CNTNAP2: variants seen among roughly 807,000 people sequenced by gnomAD.
The protein encoded by CNTNAP2 is contactin associated protein 2, also known as contactin-associated protein-like 2.
Under a neutral mutation model 155.2 loss-of-function variants are expected in CNTNAP2, and 98 were observed. The observed-to-expected ratio is 0.63, with a 90% CI of 0.54 to 0.75. CNTNAP2 has a LOEUF of 0.75. Ranked by LOEUF, CNTNAP2 falls within the 30% of genes least tolerant of loss-of-function variation. The pLI, the probability that CNTNAP2 is intolerant of heterozygous loss-of-function variation, is 0.00. For missense variants in CNTNAP2, 1,727 were observed against 1,688.1 expected (o/e 1.02, Z -0.40); for synonymous variants, 651 against 631.2 (o/e 1.03, Z -0.47).
chr7:146,643,592 G>A (rs77926637), intron 1 of CNTNAP2, among the ~76,000 whole-genome samples: 99,674 of 151,692 alleles, frequency 0.66, 34,192 homozygotes, highest in South Asian at 0.84. Context: ...GTCAGGTAGC[G>A]TGATGCCTCC....
intron 3 of CNTNAP2, among the ~76,000 whole-genome samples, chr7:146,850,887 G>A (rs996446754): frequency 6.6e-6 from 1 of 152,148 alleles, no homozygotes; most frequent in Non-Finnish European, 1.5e-5. Context: ...TATGGCCCTG[G>A]TCAGCCATTC....
chr7:146,222,550 GT>G, intron 1 of CNTNAP2, among the ~76,000 whole-genome samples: 1 of 141,894 alleles, frequency 7.0e-6, no homozygotes, highest in Non-Finnish European at 1.6e-5. Context: ...TAGTGTGTGT[GT>G]GTGTGTGTGT....
intron 20 of CNTNAP2, among the ~76,000 whole-genome samples, chr7:148,251,581 A>G (rs1467821196): frequency 6.6e-6 from 1 of 152,070 alleles, no homozygotes; most frequent in African/African-American, 2.4e-5. Context: ...AATGCTCCCA[A>G]CTCTAATTGC....
chr7:146,383,750 T>G (rs1333189303), intron 1 of CNTNAP2, among the ~76,000 whole-genome samples: 1 of 152,206 alleles, frequency 6.6e-6, no homozygotes, highest in East Asian at 1.9e-4. Flanking sequence ...ATAGACATTT[T>G]GAGTAAAGGC....
chr7:147,865,869 C>G (rs1799217698), intron 13 of CNTNAP2, among the ~76,000 whole-genome samples: 1 of 152,118 alleles, frequency 6.6e-6, no homozygotes, highest in Admixed American at 6.5e-5. Flanking sequence ...TTTCAAAAAA[C>G]CAGCTCCTGG....
chr7:146,334,240 G>A (rs956518384), intron 1 of CNTNAP2, among the ~76,000 whole-genome samples: 1 of 152,098 alleles, frequency 6.6e-6, no homozygotes, highest in African/African-American at 2.4e-5. Context: ...GACCATCCTG[G>A]CTAACACGGT....
intron 1 of CNTNAP2, among the ~76,000 whole-genome samples, chr7:146,507,679 T>A (rs1797405211): frequency 6.6e-6 from 1 of 152,150 alleles, no homozygotes; most frequent in Non-Finnish European, 1.5e-5. Context: ...AATCCAGGCC[T>A]TTGGACCTTG....
intron 15 of CNTNAP2, among the ~76,000 whole-genome samples, chr7:148,045,456 T>A (rs1218219758): frequency 9.2e-6 from 1 of 108,500 alleles, no homozygotes; most frequent in Non-Finnish European, 1.9e-5. Flanking sequence ...TCAGGTAGGT[T>A]GTATTGAGCT....
chr7:146,535,543 C>T (rs1200154596), intron 1 of CNTNAP2, among the ~76,000 whole-genome samples: 1 of 146,028 alleles, frequency 6.8e-6, no homozygotes, highest in African/African-American at 2.6e-5. Flanking sequence ...AAACTTTAAA[C>T]TTTCTAATTC....
At chr7:147,089,224 A>G (rs915632550) in intron 4 of CNTNAP2, among the ~76,000 whole-genome samples, 2 of 152,096 alleles carry the variant, frequency 1.3e-5, no homozygotes, top group African/African-American at 4.8e-5. Context: ...CCTTTTCAAC[A>G]TCTTGTAGCA....
intron 13 of CNTNAP2, among the ~76,000 whole-genome samples, chr7:147,766,192 T>A (rs536315842): frequency 6.6e-6 from 1 of 152,152 alleles, no homozygotes; most frequent in African/African-American, 2.4e-5. Flanking sequence ...AACTGTACAC[T>A]TTAAATGAGT....
chr7:146,503,270 C>A (rs968172825), intron 1 of CNTNAP2, among the ~76,000 whole-genome samples: 5 of 152,154 alleles, frequency 3.3e-5, no homozygotes, highest in Non-Finnish European at 5.9e-5. Flanking sequence ...CTAAAAAAAT[C>A]TTTGCCAAGA....
intron 3 of CNTNAP2, among the ~76,000 whole-genome samples, chr7:147,003,876 T>A (rs977588919): frequency 2.6e-5 from 4 of 151,882 alleles, no homozygotes; most frequent in Non-Finnish European, 5.9e-5. Context: ...AAATAATTTT[T>A]TAAAAATTAT....
rs773179626 is a variant in CNTNAP2 at position 148,217,414 on chromosome 7, T to C, written c.3137T>C (p.Leu1046Pro). ...APDQQNSHPD[L>P]AQEEIRFSFS... ...GACCAGCAGAACTCCCACCCGGACC[T>C]GGCACAGGAGGAGATCCGCTTCAGC... Residue 1046 changes from leucine to proline, a missense_variant, in exon 19 of 24, where the codon CTG (leucine) becomes CCG (proline). Leu to Pro is a moderately conservative substitution (Grantham distance 98, BLOSUM62 -3). Transcript: ENST00000361727. 1 of 1,614,100 alleles carries C rather than the reference T, an allele frequency of 6.2e-7. No individual in the cohort carries two copies. The highest frequency in any genetic ancestry group is 1.1e-5 in the South Asian group (1 of 91,064).
intron 14 of CNTNAP2, among the ~76,000 whole-genome samples, chr7:147,932,376 C>A (rs547152684): frequency 1.2e-4 from 19 of 152,160 alleles, no homozygotes; most frequent in Middle Eastern, 3.4e-3. Flanking sequence ...CTTTATAGAC[C>A]AGTGGAAAGA....
At chr7:148,140,486 C>A (rs1382861620) in intron 16 of CNTNAP2, among the ~76,000 whole-genome samples, 1 of 150,364 alleles carries the variant, frequency 6.7e-6, no homozygotes, top group African/African-American at 2.5e-5. Context: ...TGCAATGGCA[C>A]CATCTCGGCT....
chr7:147,937,737 C>T (rs1451242513), intron 14 of CNTNAP2, among the ~76,000 whole-genome samples: 5 of 152,196 alleles, frequency 3.3e-5, no homozygotes, highest in Non-Finnish European at 7.3e-5. Flanking sequence ...TACTAAAAAG[C>T]AATCTTTCTC....
At chr7:147,233,130 TTA>T (rs1803721723) in intron 8 of CNTNAP2, among the ~76,000 whole-genome samples, 1 of 152,162 alleles carries the variant, frequency 6.6e-6, no homozygotes, top group African/African-American at 2.4e-5. Context: ...CATGGTGTCT[TTA>T]TAAACAGATG....
At chr7:146,285,606 A>G (rs1325121385) in intron 1 of CNTNAP2, among the ~76,000 whole-genome samples, 1 of 151,746 alleles carries the variant, frequency 6.6e-6, no homozygotes, top group African/African-American at 2.4e-5. Flanking sequence ...ATTAGGGTCA[A>G]TAGTAGACTA....
Sources: gnomAD v4.1 joint callset for allele counts (sites outside exome capture counted in the v4.1 genomes callset) on GRCh38, gnomAD v4.1.1 for gene constraint, MANE v1.5 for transcripts, NCBI Gene and HGNC (gene_info 2026-07-23, HGNC 2026-07-21) for gene names.